Variants in TBC1D19 observed in about 807,000 individuals in gnomAD.
TBC1D19 encodes the protein TBC1 domain family member 19, also known as TBC1 domain family, member 19.
TBC1D19 carries 60 observed loss-of-function variants against 89.0 expected under a neutral mutation model. That is an observed-to-expected ratio of 0.67 (90% CI 0.55 to 0.84). The LOEUF (loss-of-function observed/expected upper bound fraction) is 0.84. Ranked by LOEUF, TBC1D19 falls within the 40% of genes least tolerant of loss-of-function variation. The pLI is 0.00. For synonymous variants in TBC1D19, 189 were observed against 199.7 expected (o/e 0.95, Z 0.45); for missense variants, 500 against 610.8 (o/e 0.82, Z 1.91).
rs574007201 is a variant in TBC1D19 at position 26,648,417 on chromosome 4, A to C, written c.480+8230A>C. 9.8e-5 allele frequency among the ~76,000 whole-genome samples: 15 copies of C among 152,332 alleles called. No individual in the cohort carries two copies. In the South Asian group the frequency reaches 2.7e-3, roughly 27 times the overall value. ...CATATTACAACTGACTAGTTAGTAC[A>C]TGTCACTGCATCTTGGCCAAGGGTC... On this transcript the variant is annotated intron_variant, in intron 7 of 20. Transcript: ENST00000264866.
At chr4:26,752,354 C>T (rs1719013710) in intron 19 of TBC1D19, among the ~76,000 whole-genome samples, 1 of 150,808 alleles carries the variant, frequency 6.6e-6, no homozygotes, top group South Asian at 2.1e-4. Context: ...AAGCAATCCT[C>T]TGCGTCAGCC....
At chr4:26,651,482 T>G (rs1053157147) in intron 7 of TBC1D19, among the ~76,000 whole-genome samples, 3 of 152,190 alleles carry the variant, frequency 2.0e-5, no homozygotes, top group African/African-American at 7.2e-5. Context: ...GTAGCAATTG[T>G]AAATGGGAGT....
chr4:26,839,900 A>C, the TBC1D19 span, among the ~76,000 whole-genome samples: 11 of 152,184 alleles, frequency 7.2e-5, no homozygotes, highest in African/African-American at 2.2e-4. Flanking sequence ...AGTCACAGGA[A>C]GCCTGTCCAA....
chr4:26,671,248 T>A (rs1489349537), intron 9 of TBC1D19, among the ~76,000 whole-genome samples: 1 of 151,820 alleles, frequency 6.6e-6, no homozygotes, highest in African/African-American at 2.4e-5. Context: ...TGGTTGTGTA[T>A]TTCATAGTGG....
Position 26,637,272 on chromosome 4 carries a change from C to A in TBC1D19, c.356C>A (p.Pro119Gln). The A allele has an allele frequency of 6.2e-7, 1 of 1,608,690 alleles. No homozygotes were observed. Among genetic ancestry groups the A allele is most frequent in the Non-Finnish European group, 8.5e-7 (1 of 1,177,472 alleles). Residue 119 changes from proline (P) to glutamine (Q), a missense_variant, in exon 5 of 21, where the codon CCA becomes CAA. Pro to Gln is a moderately conservative substitution (Grantham distance 76). Around this residue, in one of 2 missense-constraint regions of TBC1D19, gnomAD observed 280 missense variants for 291.7 expected, o/e 0.96. Transcript: ENST00000264866. ...LNSMCTELSI[P>Q]LARKRPVGEQ... ...AGTATGTGCACTGAACTGAGTATCC[C>A]ACTGGCACGAAAGGTACTTTTAAAC...
chr4:26,842,632 CTTTCTTT>C, the TBC1D19 span, among the ~76,000 whole-genome samples: 4 of 126,348 alleles, frequency 3.2e-5, no homozygotes, highest in African/African-American at 1.2e-4. Flanking sequence ...TTCTTTCTTT[CTTTCTTT>C]CTTTCTTTTT....
intron 9 of TBC1D19, among the ~76,000 whole-genome samples, chr4:26,670,203 T>C (rs889827259): frequency 6.6e-6 from 1 of 150,736 alleles, no homozygotes; most frequent in Non-Finnish European, 1.5e-5. Flanking sequence ...TACATATATA[T>C]GTAGACTATA....
chr4:26,664,285 A>T (rs1397286222), intron 8 of TBC1D19, among the ~76,000 whole-genome samples: 2 of 152,146 alleles, frequency 1.3e-5, no homozygotes, highest in Admixed American at 6.6e-5. Context: ...GTGAGTTTTG[A>T]AGGAAATCTG....
At chr4:26,813,918 C>T in the TBC1D19 span, among the ~76,000 whole-genome samples, 1 of 152,198 alleles carries the variant, frequency 6.6e-6, no homozygotes, top group East Asian at 1.9e-4. Context: ...GTGCCTGTCA[C>T]TGGCACCGCC....
At chr4:26,644,185 G>T (rs1358688286) in intron 7 of TBC1D19, among the ~76,000 whole-genome samples, 1 of 152,104 alleles carries the variant, frequency 6.6e-6, no homozygotes, top group African/African-American at 2.4e-5. Context: ...TAAAAGATTG[G>T]CAAACCAAAT....
intron 15 of TBC1D19, among the ~76,000 whole-genome samples, chr4:26,730,976 A>C (rs889877508): frequency 3.9e-5 from 6 of 152,204 alleles, no homozygotes; most frequent in Admixed American, 3.9e-4. Flanking sequence ...CTGGATAAGG[A>C]GTACAGCCGG....
At position 26,718,006 on chromosome 4, in the gene TBC1D19, C is replaced by A. The variant is rs1455468585; in HGVS notation, c.1028C>A (p.Ser343Ter). 1 of 1,610,032 alleles carries A rather than the reference C, an allele frequency of 6.2e-7. No individual in the cohort carries two copies. The highest frequency in any genetic ancestry group is 1.1e-5 in the South Asian group (1 of 90,706). ...FAFNSASPPK[S>*]YIRGKLGLEE... Reference sequence around the variant, plus strand: ...TTCAACAGTGCCTCGCCACCAAAATCATACATAAGAGGTAAATTTTTAATA... The same window carrying A: ...TTCAACAGTGCCTCGCCACCAAAATAATACATAAGAGGTAAATTTTTAATA... The change falls in exon 14 of 21, where the codon TCA becomes TAA. Residue 343 changes from serine to a stop codon, truncating the protein, a stop_gained. Transcript: ENST00000264866. LOFTEE classifies it high-confidence loss of function.
At chr4:26,683,823 C>T (rs1318177727) in intron 12 of TBC1D19, 74 bp downstream of exon 12, 21 of 1,191,674 alleles carry the variant, frequency 1.8e-5, no homozygotes, top group Non-Finnish European at 2.3e-5. Context: ...TATGCAGAGC[C>T]TGTGCTATGT....
the TBC1D19 span, among the ~76,000 whole-genome samples, chr4:26,779,198 A>G: frequency 2.0e-5 from 3 of 152,236 alleles, no homozygotes; most frequent in African/African-American, 4.8e-5. Flanking sequence ...CTGGAGTTAA[A>G]TGAAACTACC....
intron 5 of TBC1D19, among the ~76,000 whole-genome samples, chr4:26,638,342 CTAAA>C (rs1743267716): frequency 6.7e-6 from 1 of 148,894 alleles, no homozygotes; most frequent in Non-Finnish European, 1.5e-5. Context: ...TAAAAACTGT[CTAAA>C]TATGTAGTAT....
the TBC1D19 span, among the ~76,000 whole-genome samples, chr4:26,805,979 A>G: frequency 6.6e-6 from 1 of 151,738 alleles, no homozygotes; most frequent in Admixed American, 6.5e-5. Flanking sequence ...TCAAAAAAAA[A>G]GGGAAAGAAA....
chr4:26,657,033 C>CTCCTTCTCCTTCTCCTTCTCCT (rs1440150054), intron 7 of TBC1D19, among the ~76,000 whole-genome samples: 18 of 108,374 alleles, frequency 1.7e-4, no homozygotes, highest in African/African-American at 4.3e-4. Flanking sequence ...CCTTCTCCTT[C>CTCCTTCTCCTTCTCCTTCTCCT]TCTCTTTCTT....
chr4:26,683,781 C>A, intron 12 of TBC1D19, 32 bp downstream of exon 12: 2 of 1,551,250 alleles, frequency 1.3e-6, no homozygotes, highest in Non-Finnish European at 1.8e-6. Flanking sequence ...TTTTCCTTTT[C>A]ATTAATATAA....
chr4:26,593,111 A>C (rs1405841030), intron 1 of TBC1D19, among the ~76,000 whole-genome samples: 2 of 152,236 alleles, frequency 1.3e-5, no homozygotes, highest in South Asian at 4.1e-4. Flanking sequence ...ACAGTAACCA[A>C]ACCAGCATGG....
Sources: allele counts gnomAD v4.1 joint callset (sites outside exome capture counted in the v4.1 genomes callset), GRCh38; gene constraint gnomAD v4.1.1; regional missense constraint gnomAD v4.1.1; transcripts MANE v1.5; gene names NCBI Gene and HGNC (gene_info 2026-07-23, HGNC 2026-07-21).